FRAS1: variants seen among roughly 807,000 people sequenced by gnomAD.
FRAS1 encodes the protein extracellular matrix organizing protein FRAS1.
In FRAS1, 290 loss-of-function variants were observed where a neutral mutation model predicts 435.2. The observed-to-expected ratio is 0.67, with a 90% CI of 0.61 to 0.73. FRAS1 has a LOEUF of 0.73. FRAS1 is among the 30% of genes least tolerant of loss of function. The probability of loss-of-function intolerance (pLI) is 0.00; values close to 1 mark genes in which losing one functional copy is unlikely to be tolerated. For missense variants in FRAS1, 4,860 were observed against 5,001.5 expected (o/e 0.97, Z 0.85); for synonymous variants, 1,800 against 1,851.0 (o/e 0.97, Z 0.71).
intron 31 of FRAS1, among the ~76,000 whole-genome samples, chr4:78,412,269 A>G (rs1354185964): frequency 6.6e-6 from 1 of 152,184 alleles, no homozygotes; most frequent in Non-Finnish European, 1.5e-5. Flanking sequence ...AATTAATGCA[A>G]CTCCACATGT....
chr4:78,267,629 C>T (rs1250161310), intron 9 of FRAS1, among the ~76,000 whole-genome samples, 197 bp downstream of exon 9: 6 of 152,192 alleles, frequency 3.9e-5, no homozygotes. Context: ...CTCAGAACAG[C>T]CCCCTGGATC....
chr4:78,130,884 G>T (rs908644501), intron 2 of FRAS1, among the ~76,000 whole-genome samples: 1 of 152,126 alleles, frequency 6.6e-6, no homozygotes, highest in African/African-American at 2.4e-5. Context: ...AGCAGGGAAA[G>T]CCCAAATATA....
intron 2 of FRAS1, among the ~76,000 whole-genome samples, chr4:78,220,577 G>A (rs983836707): frequency 2.0e-5 from 3 of 152,174 alleles, no homozygotes; most frequent in Admixed American, 1.3e-4. Context: ...CTGTAGTGGC[G>A]ATTTTTCTGT....
chr4:78,445,770 A>G (rs1359120158), intron 42 of FRAS1, 58 bp downstream of exon 42: 3 of 1,573,220 alleles, frequency 1.9e-6, no homozygotes, highest in Non-Finnish European at 2.6e-6. Flanking sequence ...TCACACCATT[A>G]GAGAGCTTTC....
chr4:78,252,976 G>A (rs1725613333), intron 5 of FRAS1, among the ~76,000 whole-genome samples: 1 of 152,122 alleles, frequency 6.6e-6, no homozygotes, highest in South Asian at 2.1e-4. Flanking sequence ...CAAAGAACTG[G>A]TCTGACCAAA....
At position 78,452,340 on chromosome 4, in the gene FRAS1, A is replaced by T. The variant is rs1054195938; in HGVS notation, c.6749A>T (p.His2250Leu). 1.2e-6 allele frequency: 2 copies of T among 1,603,700 alleles called. No homozygotes were observed. Among genetic ancestry groups the T allele is most frequent in the African/African-American group, 2.7e-5 (2 of 74,118 alleles). ...CAGCCCCAGCTGGGCCACTTGGAAC[A>T]TGCAGCATCACCAGGTAAGTCTATC... ...TRQPQLGHLEHAASPGIQISS... is the reference protein window; with the variant it reads ...TRQPQLGHLELAASPGIQISS... The change falls in exon 47 of 74, where the codon CAT (histidine) becomes CTT (leucine). Residue 2250 changes from histidine (H) to leucine (L), a missense_variant. By Grantham distance (99) the His-to-Leu change is moderately conservative. Coordinates refer to ENST00000512123, the MANE Select transcript of FRAS1 (RefSeq NM_025074.7).
chr4:78,458,238 TG>T (rs1199562433), intron 47 of FRAS1, among the ~76,000 whole-genome samples: 1 of 152,168 alleles, frequency 6.6e-6, no homozygotes, highest in African/African-American at 2.4e-5. Context: ...TTTCTATCGT[TG>T]TGGAGGCTAG....
At chr4:78,470,869 T>C (rs1719683048) in intron 51 of FRAS1, among the ~76,000 whole-genome samples, 1 of 152,006 alleles carries the variant, frequency 6.6e-6, no homozygotes, top group Middle Eastern at 3.2e-3. Flanking sequence ...ATTAAGCAAG[T>C]GATACAGAAA....
rs769160395 is a variant in FRAS1, at chr4:78,470,049, C to T, written c.7329C>T (p.Val2443=). 16 of 1,613,536 alleles carry T rather than the reference C, an allele frequency of 9.9e-6. No individual in the cohort carries two copies. The highest frequency in any genetic ancestry group is 1.7e-5 in the Admixed American group (1 of 59,974). The change falls in exon 51 of 74, where the codon GTC becomes GTT. Residue 2443 remains valine (V), a synonymous_variant. Coordinates refer to ENST00000512123, the MANE Select transcript of FRAS1 (RefSeq NM_025074.7). ...LPVDDGTPRI[V]TNLGLQWLEY... ...TAGATGATGGCACGCCTAGAATTGT[C>T]ACCAACCTGGGACTCCAGTGGCTGG...
chr4:78,245,430 A>G, intron 4 of FRAS1, 105 bp downstream of exon 4: 4 of 790,040 alleles, frequency 5.1e-6, no homozygotes, highest in African/African-American at 1.7e-5. Flanking sequence ...CTTTGCCTGG[A>G]TTGTGGAGGA....
At chr4:78,172,484 T>A in intron 2 of FRAS1, among the ~76,000 whole-genome samples, 1 of 152,150 alleles carries the variant, frequency 6.6e-6, no homozygotes, top group East Asian at 1.9e-4. Context: ...ACTTTTTTTC[T>A]GACCTAGCCA....
rs577845370 is a variant in FRAS1 at position 78,536,641 on chromosome 4, A to C, written c.11093-354A>C. On this transcript the variant is annotated intron_variant, in intron 71 of 73. Coordinates refer to ENST00000512123, the MANE Select transcript of FRAS1 (RefSeq NM_025074.7). ...GTATGAGTTTGATAAATATGAGCCT[A>C]TTTTAGTCAATCACTGTGAGTTTGT... 4.6e-4 allele frequency among the ~76,000 whole-genome samples: 70 copies of C among 152,290 alleles called. No individual in the cohort carries two copies. In the South Asian group the frequency reaches 6.2e-3, roughly 14 times the overall value.
In FRAS1 at chr4:78,435,878, A is replaced by G. The variant is rs577712941; in HGVS notation, c.5218-2692A>G. On this transcript the variant is annotated intron_variant, in intron 38 of 73. Transcript: ENST00000512123. ...ATACTGCCTCACACCCTATGCAGAT[A>G]TTAACTACAGACAGATCAAGTACTG... Among the ~76,000 whole-genome samples the G allele has an allele frequency of 1.4e-3, 215 of 152,210 alleles. 1 individual carries two copies. Among genetic ancestry groups the G allele is most frequent in the Non-Finnish European group, 2.5e-3 (167 of 68,042 alleles).
chr4:78,237,372 C>T, intron 2 of FRAS1, 138 bp from the exon 3 acceptor site: 1 of 585,776 alleles, frequency 1.7e-6, no homozygotes. Flanking sequence ...CAGTGCCCAG[C>T]AAGTACTGTG....
At chr4:78,120,368 T>A (rs952587604) in intron 2 of FRAS1, among the ~76,000 whole-genome samples, 1 of 152,196 alleles carries the variant, frequency 6.6e-6, no homozygotes, top group Non-Finnish European at 1.5e-5. Flanking sequence ...AGGTTTAACT[T>A]AGAGTTGTCC....
intron 53 of FRAS1, among the ~76,000 whole-genome samples, chr4:78,474,185 A>G (rs1719795901): frequency 1.3e-5 from 2 of 152,208 alleles, no homozygotes; most frequent in South Asian, 4.2e-4. Context: ...GGCTAAATGC[A>G]TGGCTTAATG....
chr4:78,481,412 C>A (rs1000362788), intron 56 of FRAS1, among the ~76,000 whole-genome samples: 22 of 152,184 alleles, frequency 1.4e-4, no homozygotes, highest in African/African-American at 4.6e-4. Flanking sequence ...TCTGACACAT[C>A]CCTGAGGCCC....
At chr4:78,298,297 G>GTA (rs34995624) in intron 14 of FRAS1, among the ~76,000 whole-genome samples, 104,552 of 148,274 alleles carry the variant, frequency 0.71, 36,875 homozygotes, top group African/African-American at 0.72. Flanking sequence ...ATTATAAGGT[G>GTA]TATATATATA....
chr4:78,117,624 A>G (rs1578135371), intron 2 of FRAS1, among the ~76,000 whole-genome samples: 1 of 152,278 alleles, frequency 6.6e-6, no homozygotes, highest in South Asian at 2.1e-4. Flanking sequence ...TGATCGAATC[A>G]GCTACTGAGG....
Sources: allele counts gnomAD v4.1 joint callset (sites outside exome capture counted in the v4.1 genomes callset), GRCh38; gene constraint gnomAD v4.1.1; transcripts MANE v1.5; gene names NCBI Gene and HGNC (gene_info 2026-07-23, HGNC 2026-07-21).